Variants in MAPK10 observed in about 807,000 individuals in gnomAD.
The protein encoded by MAPK10 is JNK3 alpha protein kinase.
Under a neutral mutation model 59.3 loss-of-function variants are expected in MAPK10, and 25 were observed. That is an observed-to-expected ratio of 0.42 (90% CI 0.31 to 0.59). The LOEUF is 0.59. Among genes scored for constraint, MAPK10 ranks in the 20% least tolerant of loss-of-function variants. MAPK10 has a pLI of 0.15. For synonymous variants in MAPK10, 190 were observed against 200.5 expected (o/e 0.95, Z 0.44); for missense variants, 351 against 568.9 (o/e 0.62, Z 3.90).
At chr4:86,313,944 A>G (rs2148875732) in intron 2 of MAPK10, among the ~76,000 whole-genome samples, 1 of 152,250 alleles carries the variant, frequency 6.6e-6, no homozygotes, top group East Asian at 1.9e-4. Context: ...ATGTTTATCA[A>G]CAGTAGAGAT....
intron 4 of MAPK10, among the ~76,000 whole-genome samples, chr4:86,144,325 A>C (rs1447332469): frequency 1.3e-5 from 2 of 152,178 alleles, no homozygotes; most frequent in Non-Finnish European, 2.9e-5. Flanking sequence ...TAAGACTGGA[A>C]TTTTACATTA....
intron 1 of MAPK10, among the ~76,000 whole-genome samples, chr4:86,475,796 C>T (rs903207581): frequency 6.6e-6 from 1 of 152,030 alleles, no homozygotes; most frequent in Non-Finnish European, 1.5e-5. Context: ...TGTCTCTACT[C>T]TCTCTTTTCT....
upstream of MAPK10, among the ~76,000 whole-genome samples, chr4:86,365,052 A>C (rs1407494937): frequency 6.6e-6 from 1 of 152,196 alleles, no homozygotes. Context: ...CACTGTTTAT[A>C]TGTATTCATA....
intron 1 of MAPK10, among the ~76,000 whole-genome samples, chr4:86,547,166 T>C (rs1759262808): frequency 6.6e-6 from 1 of 152,366 alleles, no homozygotes; most frequent in Non-Finnish European, 1.5e-5. Flanking sequence ...CTGGCAGTTC[T>C]CACAGCCCTC....
intron 1 of MAPK10, among the ~76,000 whole-genome samples, chr4:86,512,134 G>GT (rs1756322551): frequency 6.6e-6 from 1 of 152,010 alleles, no homozygotes; most frequent in Non-Finnish European, 1.5e-5. Flanking sequence ...CAAATTTAAG[G>GT]TAACTTTTTT....
intron 1 of MAPK10, among the ~76,000 whole-genome samples, chr4:86,406,072 G>A (rs1744324768): frequency 6.6e-6 from 1 of 152,162 alleles, no homozygotes; most frequent in Admixed American, 6.5e-5. Context: ...GGACCCATGA[G>A]TGCTAGACCT....
chr4:86,189,182 C>T (rs1458482080), intron 3 of MAPK10, among the ~76,000 whole-genome samples: 2 of 152,258 alleles, frequency 1.3e-5, no homozygotes, highest in African/African-American at 2.4e-5. Flanking sequence ...TAGCATGATG[C>T]CTCCAGTGTT....
At chr4:86,122,435 C>T (rs1269662552) in intron 4 of MAPK10, among the ~76,000 whole-genome samples, 1 of 152,098 alleles carries the variant, frequency 6.6e-6, no homozygotes, top group Non-Finnish European at 1.5e-5. Context: ...TCTTGGTAGC[C>T]ATTGCTGTGA....
chr4:86,159,655 A>G (rs1334367861), intron 3 of MAPK10, among the ~76,000 whole-genome samples, 188 bp from the exon 4 acceptor site: 1 of 152,052 alleles, frequency 6.6e-6, no homozygotes, highest in African/African-American at 2.4e-5. Context: ...GAGCTTAGGG[A>G]AAAAATGCAA....
chr4:86,505,339 G>T (rs1755660018), intron 1 of MAPK10, among the ~76,000 whole-genome samples: 1 of 152,080 alleles, frequency 6.6e-6, no homozygotes, highest in African/African-American at 2.4e-5. Context: ...GGCCAGGCAA[G>T]GTGGCTCACA....
chr4:86,360,206 CTG>C (rs146818575), upstream of MAPK10: 439 of 985,880 alleles, frequency 4.5e-4, 1 homozygote, highest in African/African-American at 7.3e-3. Context: ...GCTACAGCTA[CTG>C]TGTTTTCCGG....
chr4:86,192,179 C>G (rs1373644058), intron 3 of MAPK10: 1 of 152,154 alleles, frequency 6.6e-6, no homozygotes, highest in Non-Finnish European at 1.5e-5. Flanking sequence ...GGTAACCCAA[C>G]CTTTCTCTCT....
chr4:86,479,839 A>C (rs1753441401), intron 1 of MAPK10, among the ~76,000 whole-genome samples: 1 of 152,112 alleles, frequency 6.6e-6, no homozygotes, highest in Admixed American at 6.6e-5. Context: ...ATTCTATAAG[A>C]CAAATGTTTC....
At chr4:86,548,107 C>T (rs1281258437) in intron 1 of MAPK10, among the ~76,000 whole-genome samples, 2 of 152,130 alleles carry the variant, frequency 1.3e-5, no homozygotes, top group South Asian at 2.1e-4. Context: ...CTGCTCACTG[C>T]TTGGGTCCAC....
upstream of MAPK10, among the ~76,000 whole-genome samples, chr4:86,360,508 G>A (rs1047528233): frequency 6.6e-6 from 1 of 152,132 alleles, no homozygotes; most frequent in African/African-American, 2.4e-5. Flanking sequence ...CCTGAACCCC[G>A]AGGTCATCTG....
intron 1 of MAPK10, among the ~76,000 whole-genome samples, chr4:86,437,706 C>T (rs1000339765): frequency 3.3e-5 from 5 of 152,142 alleles, no homozygotes; most frequent in Non-Finnish European, 1.5e-5. Context: ...TGATCATATG[C>T]ATAACCTATA....
At chr4:86,589,754 G>A (rs1328354159) in intron 1 of MAPK10, among the ~76,000 whole-genome samples, 3 of 151,324 alleles carry the variant, frequency 2.0e-5, no homozygotes, top group Non-Finnish European at 4.4e-5. Flanking sequence ...ACCTACAGAT[G>A]TACACCACAT....
chr4:86,400,319 C>T (rs1054639830), intron 1 of MAPK10, among the ~76,000 whole-genome samples: 3 of 152,090 alleles, frequency 2.0e-5, no homozygotes, highest in Admixed American at 2.0e-4. Flanking sequence ...ATACATTTCT[C>T]AAGATAAAGT....
At chr4:86,286,963 G>A (rs1256190902) in intron 2 of MAPK10, among the ~76,000 whole-genome samples, 7 of 152,166 alleles carry the variant, frequency 4.6e-5, no homozygotes, top group Non-Finnish European at 7.4e-5. Flanking sequence ...TGCTGGCACC[G>A]TTAACAGGAA....
Sources: gnomAD v4.1 joint callset for allele counts (sites outside exome capture counted in the v4.1 genomes callset) on GRCh38, gnomAD v4.1.1 for gene constraint, MANE v1.5 for transcripts, NCBI Gene and HGNC (gene_info 2026-07-23, HGNC 2026-07-21) for gene names.